GCNT2: variants seen among roughly 807,000 people sequenced by gnomAD.
GCNT2 encodes the protein glucosaminyl (N-acetyl) transferase 2 (I blood group).
GCNT2 carries 34 observed loss-of-function variants against 34.2 expected under a neutral mutation model. The ratio of observed to expected loss-of-function variants is 1.00; its 90% confidence interval spans 0.76 to 1.32. The LOEUF is 1.32. Among genes scored for constraint, GCNT2 ranks in the 40% most tolerant of loss-of-function variants. The pLI is 0.00. For missense variants in GCNT2, 584 were observed against 489.4 expected, an observed-to-expected ratio of 1.19 and a Z score of -1.82; for synonymous variants, 212 against 188.0, an observed-to-expected ratio of 1.13 and a Z score of -1.04.
intron 3 of GCNT2, among the ~76,000 whole-genome samples, chr6:10,610,684 C>T (rs886806712): frequency 6.6e-6 from 1 of 152,148 alleles, no homozygotes; most frequent in Admixed American, 6.5e-5. Context: ...CATGGCTTTA[C>T]CTCCACCATC....
At chr6:10,522,025 C>G (rs756082374) in intron 1 of GCNT2, among the ~76,000 whole-genome samples, 2 of 151,640 alleles carry the variant, frequency 1.3e-5, no homozygotes, top group Admixed American at 6.6e-5. Context: ...GTAGCTGGGA[C>G]TACAGGCATG....
chr6:10,524,619 C>G (rs150364587), intron 1 of GCNT2, among the ~76,000 whole-genome samples: 260 of 152,126 alleles, frequency 1.7e-3, no homozygotes, highest in African/African-American at 5.9e-3. Context: ...TAAGAAAGAG[C>G]AGGCAGAGAG....
intron 3 of GCNT2, among the ~76,000 whole-genome samples, chr6:10,577,249 G>A (rs1056771193): frequency 7.9e-5 from 12 of 152,348 alleles, no homozygotes; most frequent in African/African-American, 2.9e-4. Context: ...TGAGGGGGGA[G>A]GTGACAGCCA....
chr6:10,571,151 A>G (rs1300344969), intron 3 of GCNT2, among the ~76,000 whole-genome samples: 1 of 152,134 alleles, frequency 6.6e-6, no homozygotes, highest in African/African-American at 2.4e-5. Flanking sequence ...CCTTAAAATG[A>G]GTTTACATTT....
chr6:10,546,469 C>G (rs1435854435), intron 3 of GCNT2, among the ~76,000 whole-genome samples: 2 of 152,040 alleles, frequency 1.3e-5, no homozygotes, highest in Non-Finnish European at 2.9e-5. Context: ...CCAGCCTGGC[C>G]AATATGGTGA....
chr6:10,621,319 A>G, intron 3 of GCNT2, 32 bp from the exon 4 acceptor site: 1 of 1,390,116 alleles, frequency 7.2e-7, no homozygotes, highest in Non-Finnish European at 1.0e-6. Flanking sequence ...CATGACTCTC[A>G]TCTCTACGCT....
At position 10,529,720 on chromosome 6, in the gene GCNT2, C is replaced by CA; in HGVS notation, c.811dup (p.Arg271LysfsTer5). On this transcript the variant is annotated frameshift_variant, in exon 3 of 5. Coordinates refer to ENST00000495262, the MANE Select transcript of GCNT2 (RefSeq NM_145649.5). LOFTEE classifies it high-confidence loss of function. ...TTTGGCACGGCCTACGTGGCTCTCA[C>CA]AAGGGACTTTGCTAACTTCGTCCTC... The CA allele has an allele frequency of 6.2e-7, 1 of 1,614,104 alleles. No individual in the cohort carries two copies. Among genetic ancestry groups the CA allele is most frequent in the South Asian group, 1.1e-5 (1 of 91,084 alleles).
chr6:10,525,374 TG>T (rs551385977), intron 1 of GCNT2, among the ~76,000 whole-genome samples: 2 of 152,252 alleles, frequency 1.3e-5, no homozygotes, highest in African/African-American at 4.8e-5. Flanking sequence ...GACTTAGAAT[TG>T]GGGGGTATTA....
intron 3 of GCNT2, among the ~76,000 whole-genome samples, chr6:10,546,433 C>T (rs1762272749): frequency 1.3e-5 from 2 of 151,988 alleles, no homozygotes; most frequent in Non-Finnish European, 2.9e-5. Flanking sequence ...CCGAGGTGGG[C>T]GGATCATGAG....
At chr6:10,523,824 T>TTAGCCG (rs1293716070) in intron 1 of GCNT2, among the ~76,000 whole-genome samples, 1 of 151,560 alleles carries the variant, frequency 6.6e-6, no homozygotes, top group Non-Finnish European at 1.5e-5. Flanking sequence ...TACAAAAAAA[T>TTAGCCG]TAGCCGGGCT....
chr6:10,526,957 AAATT>A (rs771634815), intron 1 of GCNT2, among the ~76,000 whole-genome samples: 264 of 152,292 alleles, frequency 1.7e-3, no homozygotes, highest in Non-Finnish European at 2.1e-3. Context: ...ACAAAAGAGT[AAATT>A]AATTAATTAA....
At chr6:10,583,484 T>TGGAAGTGTCCTTACCGTC (rs1251065182) in intron 3 of GCNT2, among the ~76,000 whole-genome samples, 2 of 152,124 alleles carry the variant, frequency 1.3e-5, no homozygotes, top group East Asian at 1.9e-4. Flanking sequence ...ATTTCTCCCT[T>TGGAAGTGTCCTTACCGTC]GGAAGTGTCC....
rs1766274443 is a variant in GCNT2, at chr6:10,626,713, G to GT, written c.*109dup. 1 of 785,254 alleles carries GT rather than the reference G, an allele frequency of 1.3e-6. No homozygotes were observed. Among genetic ancestry groups the GT allele is most frequent in the Admixed American group, 2.0e-5 (1 of 50,820 alleles). The allele number at this position is 785,254 out of a possible 1,614,324, so 48.6% of individuals were successfully genotyped here. A position where few individuals can be genotyped will look rare whatever the true frequency, so the allele number is the denominator to read the frequency against. ...GTAATGTTAACCGTTTCAGGACCAC[G>GT]TTTATAGCTTCAGGACCTGGCTACG... On this transcript the variant is annotated 3_prime_UTR_variant, in exon 5 of 5. Coordinates refer to ENST00000495262, the MANE Select transcript of GCNT2 (RefSeq NM_145649.5).
intron 3 of GCNT2, among the ~76,000 whole-genome samples, chr6:10,542,121 A>G (rs1019210321): frequency 6.6e-6 from 1 of 152,176 alleles, no homozygotes; most frequent in Non-Finnish European, 1.5e-5. Flanking sequence ...GAGACCTGCA[A>G]TGTAAAATTT....
rs923129212 is a variant in GCNT2 at position 10,529,707 on chromosome 6, T to G, written c.796T>G (p.Tyr266Asp). Reference sequence around the variant, plus strand: ...CATGGTGATTTACTTTGGCACGGCCTACGTGGCTCTCACAAGGGACTTTGC... The same window carrying G: ...CATGGTGATTTACTTTGGCACGGCCGACGTGGCTCTCACAAGGGACTTTGC... Reference protein sequence around the residue: ...HDMVIYFGTAYVALTRDFANF... With the variant: ...HDMVIYFGTADVALTRDFANF... Residue 266 changes from tyrosine to aspartate, a missense_variant, in exon 3 of 5, where the codon TAC becomes GAC. Coordinates refer to ENST00000495262, the MANE Select transcript of GCNT2 (RefSeq NM_145649.5). 6.2e-7 allele frequency: 1 copy of G among 1,614,162 alleles called. No individual in the cohort carries two copies. Among genetic ancestry groups the G allele is most frequent in the Non-Finnish European group, 8.5e-7 (1 of 1,179,990 alleles).
chr6:10,534,265 C>T (rs906833883), intron 3 of GCNT2, among the ~76,000 whole-genome samples: 3 of 151,496 alleles, frequency 2.0e-5, no homozygotes, highest in Non-Finnish European at 1.5e-5. Flanking sequence ...TCTCAGCCTC[C>T]GCAGCACCAG....
chr6:10,549,482 T>C (rs1308711025), intron 3 of GCNT2, among the ~76,000 whole-genome samples: 2 of 152,004 alleles, frequency 1.3e-5, no homozygotes, highest in African/African-American at 2.4e-5. Context: ...CATCAGGGCA[T>C]GAGGGTTGCT....
chr6:10,582,475 C>CAATA, intron 3 of GCNT2, among the ~76,000 whole-genome samples: 1 of 107,196 alleles, frequency 9.3e-6, no homozygotes, highest in Non-Finnish European at 1.7e-5. Flanking sequence ...ATAATATATA[C>CAATA]TATAATATAT....
intron 4 of GCNT2, among the ~76,000 whole-genome samples, chr6:10,622,176 T>C (rs1329536983): frequency 1.3e-5 from 2 of 152,180 alleles, no homozygotes; most frequent in Non-Finnish European, 2.9e-5. Context: ...TCCATTTCTA[T>C]AGAATTTTGT....
Sources: allele counts gnomAD v4.1 joint callset (sites outside exome capture counted in the v4.1 genomes callset), GRCh38; gene constraint gnomAD v4.1.1; transcripts MANE v1.5; gene names NCBI Gene and HGNC (gene_info 2026-07-23, HGNC 2026-07-21).